The following STRBP variants were observed in gnomAD, a reference collection of about 807,000 sequenced individuals.
STRBP encodes the protein spermatid perinuclear RNA binding protein, also known as spermatid perinuclear RNA-binding protein.
A neutral mutation model predicts 80.1 loss-of-function variants in STRBP; 13 were observed. The observed-to-expected ratio is 0.16, with a 90% CI of 0.11 to 0.26. The LOEUF is 0.26. Among genes scored for constraint, STRBP ranks in the 10% least tolerant of loss-of-function variants. STRBP has a pLI of 1.00. For synonymous variants in STRBP, 284 were observed against 291.2 expected, an observed-to-expected ratio of 0.98 and a Z score of 0.25; for missense variants, 485 against 815.2, an observed-to-expected ratio of 0.59 and a Z score of 4.93.
rs139172518 is a variant in STRBP at position 123,264,605 on chromosome 9, T to C, written c.-302+3831A>G. ...AAACCACCTTGATTCTCATGGGAGA[T>C]GGATAGAGTCAGATTTCTAGAGAAG... On this transcript the variant is annotated intron_variant, in intron 1 of 18. Coordinates refer to ENST00000348403, the MANE Select transcript of STRBP (RefSeq NM_018387.5). Among the ~76,000 whole-genome samples, 15 of 152,310 alleles carry C rather than the reference T, an allele frequency of 9.8e-5. No individual in the cohort carries two copies. In the East Asian group the frequency reaches 2.9e-3, roughly 29 times the overall value.
chr9:123,257,417 A>AACACAC (rs112138505), intron 1 of STRBP, among the ~76,000 whole-genome samples: 22 of 147,656 alleles, frequency 1.5e-4, no homozygotes, highest in Non-Finnish European at 3.0e-4. Flanking sequence ...AAAACACACA[A>AACACAC]ACACACACAC....
chr9:123,263,600 GCT>G (rs1055587156), intron 1 of STRBP, among the ~76,000 whole-genome samples: 1 of 151,182 alleles, frequency 6.6e-6, no homozygotes, highest in Non-Finnish European at 1.5e-5. Context: ...CACCTGGAAG[GCT>G]CTTTACAACT....
intron 2 of STRBP, among the ~76,000 whole-genome samples, chr9:123,223,851 C>A (rs555293864): frequency 6.6e-6 from 1 of 151,934 alleles, no homozygotes; most frequent in African/African-American, 2.4e-5. Flanking sequence ...CATTTCTTTG[C>A]GGGATAAGCT....
At chr9:123,249,817 A>G (rs1206899031) in intron 1 of STRBP, among the ~76,000 whole-genome samples, 2 of 152,124 alleles carry the variant, frequency 1.3e-5, no homozygotes, top group Admixed American at 6.5e-5. Flanking sequence ...GGCCAAAACT[A>G]TTTTCCAAGT....
rs765825418 is a variant in STRBP at position 123,160,353 on chromosome 9, A to G, written c.723+14T>C. The G allele has an allele frequency of 9.1e-6, 14 of 1,546,076 alleles. No individual in the cohort carries two copies. Among genetic ancestry groups the G allele is most frequent in the Non-Finnish European group, 1.2e-5 (14 of 1,136,492 alleles). On this transcript the variant is annotated intron_variant, in intron 8 of 18. Coordinates refer to ENST00000348403, the MANE Select transcript of STRBP (RefSeq NM_018387.5). ...AGCTTCCAAATTTGCTTTTAGCCAT[A>G]TTTAAGTACTTACCCATCCTTTCAA...
intron 8 of STRBP, 117 bp downstream of exon 8, chr9:123,160,250 C>T (rs972754121): frequency 1.2e-5 from 7 of 569,656 alleles, no homozygotes; most frequent in African/African-American, 1.2e-4. Flanking sequence ...GGCAAACATA[C>T]ATAATGCATG....
At position 123,125,410 on chromosome 9, in the gene STRBP, C is replaced by CTT. The variant is rs11399013; in HGVS notation, c.*185_*186dup. ...GGTACCGTTTTCACAGAACTGGTTT[C>CTT]TTTTTTTTTTTTCAAGTTTTAGAGA... On this transcript the variant is annotated 3_prime_UTR_variant, in exon 19 of 19. Coordinates refer to ENST00000348403, the MANE Select transcript of STRBP (RefSeq NM_018387.5). 0.025 allele frequency: 25,282 copies of CTT among 1,000,120 alleles called. 73 individuals carry two copies. The highest frequency in any genetic ancestry group is 0.11 in the East Asian group (2,623 of 23,844). The allele number at this position is 1,000,120 out of a possible 1,614,324, so 62.0% of individuals were successfully genotyped here.
At chr9:123,120,798 T>G (rs763480802), downstream of STRBP, among the ~76,000 whole-genome samples, 24 of 152,066 alleles carry the variant, frequency 1.6e-4, no homozygotes, top group Non-Finnish European at 2.9e-4. Flanking sequence ...TAAACCAGAG[T>G]AGGTTTCAGG....
intron 2 of STRBP, among the ~76,000 whole-genome samples, chr9:123,214,860 T>C (rs150403084): frequency 0.01 from 1,588 of 152,312 alleles, 7 homozygotes; most frequent in Admixed American, 0.015. Context: ...ATGTACAAAA[T>C]CCTGGCTGAT....
chr9:123,153,714 G>A (rs1001198666), intron 11 of STRBP, among the ~76,000 whole-genome samples: 1 of 152,158 alleles, frequency 6.6e-6, no homozygotes, highest in Admixed American at 6.5e-5. Flanking sequence ...TCCATGTAGC[G>A]ATATTGAGGA....
intron 14 of STRBP, among the ~76,000 whole-genome samples, chr9:123,138,752 C>A (rs760700705): frequency 1.2e-4 from 19 of 152,168 alleles, no homozygotes; most frequent in Non-Finnish European, 2.2e-4. Flanking sequence ...AGGCTCTGCA[C>A]ACAATTTCTG....
chr9:123,208,209 G>C (rs1177696336), intron 2 of STRBP, among the ~76,000 whole-genome samples: 1 of 151,940 alleles, frequency 6.6e-6, no homozygotes, highest in Non-Finnish European at 1.5e-5. Context: ...GAGGGTGCTG[G>C]CTAAAGTCAC....
intron 1 of STRBP, among the ~76,000 whole-genome samples, chr9:123,238,185 C>T (rs367582698): frequency 3.3e-5 from 5 of 152,220 alleles, no homozygotes; most frequent in African/African-American, 9.7e-5. Context: ...AGGTAGCTCA[C>T]GCCAGTAATC....
At position 123,136,618 on chromosome 9, in the gene STRBP, T is replaced by C. The variant is rs2036363479; in HGVS notation, c.1498-103A>G. 2 of 1,369,738 alleles carry C rather than the reference T, an allele frequency of 1.5e-6. No individual in the cohort carries two copies. Among genetic ancestry groups the C allele is most frequent in the Middle Eastern group, 2.6e-4 (1 of 3,810 alleles). 84.8% of individuals were successfully genotyped at this position (1,369,738 alleles called of 1,614,324 possible). On this transcript the variant is annotated intron_variant, in intron 14 of 18. Coordinates refer to ENST00000348403, the MANE Select transcript of STRBP (RefSeq NM_018387.5). The surrounding 1 kb of genome is among the most constrained non-coding windows in gnomAD (Gnocchi z 4.2). ...TAAGAAGGAGGCTCAAAAATTCTAC[T>C]TCAAAGCACTCAGGGGCTAGAATGA...
chr9:123,116,890 T>C (rs2035654599), downstream of STRBP, among the ~76,000 whole-genome samples: 1 of 152,154 alleles, frequency 6.6e-6, no homozygotes, highest in Non-Finnish European at 1.5e-5. Context: ...TGTGGTGAAA[T>C]TCAAAACTAA....
chr9:123,196,393 G>A (rs974605056), intron 2 of STRBP, among the ~76,000 whole-genome samples: 1 of 152,092 alleles, frequency 6.6e-6, no homozygotes, highest in Non-Finnish European at 1.5e-5. Context: ...AAGTTGAAAA[G>A]CTTCTGCAAA....
intron 2 of STRBP, among the ~76,000 whole-genome samples, chr9:123,230,829 C>T (rs2040376863): frequency 6.6e-6 from 1 of 152,156 alleles, no homozygotes; most frequent in African/African-American, 2.4e-5. Context: ...TTCAAGAACA[C>T]ATGTGCATCA....
At chr9:123,116,191 A>G (rs2035641865) in intron 2 of STRBP, 1 of 438,094 alleles carries the variant, frequency 2.3e-6, no homozygotes, top group African/African-American at 2.0e-5. Context: ...ATTGCTCTGG[A>G]AAATGTGTTA....
intron 16 of STRBP, among the ~76,000 whole-genome samples, chr9:123,133,537 T>C (rs1345596505): frequency 1.3e-5 from 2 of 148,358 alleles, no homozygotes; most frequent in Admixed American, 7.0e-5. Context: ...ACTAATTATC[T>C]TTTTTTGGTT....
Sources: allele counts gnomAD v4.1 joint callset (sites outside exome capture counted in the v4.1 genomes callset), GRCh38; gene constraint gnomAD v4.1.1; non-coding constraint Gnocchi (gnomAD v3.1); transcripts MANE v1.5; gene names NCBI Gene and HGNC (gene_info 2026-07-23, HGNC 2026-07-21).